USP28: variants seen among roughly 807,000 people sequenced by gnomAD.
The protein encoded by USP28 is ubiquitin specific peptidase 28.
Under a neutral mutation model 145.0 loss-of-function variants are expected in USP28, and 113 were observed. The observed-to-expected ratio is 0.78, with a 90% CI of 0.67 to 0.91. USP28 has a LOEUF of 0.91. Ranked by LOEUF, USP28 falls within the 40% of genes least tolerant of loss-of-function variation. The pLI, the probability that USP28 is intolerant of heterozygous loss-of-function variation, is 0.00. For missense variants in USP28, 1,201 were observed against 1,289.6 expected (o/e 0.93, Z 1.05); for synonymous variants, 447 against 450.9 (o/e 0.99, Z 0.11).
chr11:113,857,107 G>A (rs781105416), intron 1 of USP28, among the ~76,000 whole-genome samples: 4 of 152,114 alleles, frequency 2.6e-5, no homozygotes, highest in Non-Finnish European at 4.4e-5. Context: ...ATGTCTTCAC[G>A]GCAGTCCTGG....
rs552796585 is a variant in USP28, at chr11:113,848,621, T to C, written c.268+3880A>G. Among the ~76,000 whole-genome samples the C allele has an allele frequency of 5.8e-4, 88 of 152,350 alleles. 1 individual carries two copies. The highest frequency in any genetic ancestry group is 2.0e-3 in the African/African-American group (82 of 41,570). On this transcript the variant is annotated intron_variant, in intron 3 of 24. Coordinates refer to ENST00000003302, the Ensembl canonical transcript of USP28. ...TTGATGGAATTAGGATAAAATTTTATAGGCGAGTTGTTATATCTGAAGCTG... is the reference window on the plus strand; with the variant it reads ...TTGATGGAATTAGGATAAAATTTTACAGGCGAGTTGTTATATCTGAAGCTG...
At chr11:113,827,898 G>A (rs1943557527) in intron 10 of USP28, among the ~76,000 whole-genome samples, 1 of 152,070 alleles carries the variant, frequency 6.6e-6, no homozygotes, top group African/African-American at 2.4e-5. Flanking sequence ...ATAGCCTCAT[G>A]GTTTTACAAT....
chr11:113,852,956 G>T (rs1565473210), intron 2 of USP28, among the ~76,000 whole-genome samples: 2 of 151,830 alleles, frequency 1.3e-5, no homozygotes, highest in Non-Finnish European at 2.9e-5. Context: ...TGTCAAAAAA[G>T]GGGGCTGGCA....
chr11:113,875,314 CGGGCGCACCCCCTGTCCCGCCCGGCCG>C (rs1949265814), intron 1 of USP28, 104 bp downstream of exon 1: 21 of 702,194 alleles, frequency 3.0e-5, no homozygotes, highest in Non-Finnish European at 3.7e-5. Context: ...CCCACGCTGG[CGGGCGCACCCCCTGTCCCGCCCGGCCG>C]GGGCGCCCTC....
rs1307066185 is a variant in USP28, at chr11:113,854,256, A to G, written c.135+2T>C. ...CTGACTAACAGAGATCTGGAAACCA[A>G]CCTTCAGAGCTTCATGGAGAAAGGA... On this transcript the variant is annotated splice_donor_variant, in intron 2 of 24. Coordinates refer to ENST00000003302, the Ensembl canonical transcript of USP28. LOFTEE classifies it high-confidence loss of function. The G allele has an allele frequency of 6.2e-7, 1 of 1,611,412 alleles. No individual in the cohort carries two copies. The highest frequency in any genetic ancestry group is 8.5e-7 in the Non-Finnish European group (1 of 1,179,658).
intron 5 of USP28, chr11:113,835,264 C>A (rs1166077663): frequency 2.2e-6 from 1 of 455,986 alleles, no homozygotes; most frequent in Non-Finnish European, 4.4e-6. Flanking sequence ...AACTCCTCAT[C>A]CCAACATGCT....
At position 113,843,581 on chromosome 11, in the gene USP28, G is replaced by A. The variant is rs377181368; in HGVS notation, c.269-1813C>T. ...AGCTACTCAGGAGGCTGAGGCAGGA[G>A]GACGGCTTGAACCCAGGAGGCGGAG... On this transcript the variant is annotated intron_variant, in intron 3 of 24. Transcript: ENST00000003302. Among the ~76,000 whole-genome samples, 6 of 151,280 alleles carry A rather than the reference G, an allele frequency of 4.0e-5. No individual in the cohort carries two copies. The South Asian group carries it at 6.3e-4, about 16-fold the overall frequency.
chr11:113,852,417 T>C, intron 3 of USP28, 84 bp downstream of exon 3: 1 of 1,540,684 alleles, frequency 6.5e-7, no homozygotes. Context: ...AGGGCTGATG[T>C]GATTGACAGG....
At chr11:113,813,777 T>C (rs1941332015) in intron 15 of USP28, 108 bp downstream of exon 15, 2 of 834,334 alleles carry the variant, frequency 2.4e-6, no homozygotes, top group East Asian at 2.5e-5. Flanking sequence ...GTTTATTCTT[T>C]TATCTTAGGG....
At chr11:113,848,454 G>C (rs1228663444) in intron 3 of USP28, among the ~76,000 whole-genome samples, 1 of 152,174 alleles carries the variant, frequency 6.6e-6, no homozygotes, top group Non-Finnish European at 1.5e-5. Flanking sequence ...GGGACCCAAA[G>C]CCTTATGTAC....
intron 3 of USP28, among the ~76,000 whole-genome samples, chr11:113,844,768 G>A (rs1368705098): frequency 6.6e-6 from 1 of 152,140 alleles, no homozygotes; most frequent in Non-Finnish European, 1.5e-5. Context: ...TGGCAAGGAA[G>A]TGGAGAAACT....
At chr11:113,828,035 C>A (rs1943571130) in intron 10 of USP28, among the ~76,000 whole-genome samples, 1 of 152,208 alleles carries the variant, frequency 6.6e-6, no homozygotes, top group Non-Finnish European at 1.5e-5. Context: ...AAAAAAGACT[C>A]AACAGTCAGG....
chr11:113,815,917 C>T (rs954393891), intron 13 of USP28, among the ~76,000 whole-genome samples: 3 of 152,166 alleles, frequency 2.0e-5, no homozygotes, highest in Non-Finnish European at 4.4e-5. Flanking sequence ...CTAGGTGACA[C>T]CTTGGAGAGT....
At chr11:113,875,290 C>A (rs928662872) in intron 1 of USP28, among the ~76,000 whole-genome samples, 155 bp downstream of exon 1, 6 of 151,988 alleles carry the variant, frequency 3.9e-5, no homozygotes, top group African/African-American at 1.4e-4. Flanking sequence ...CCCGCAGAGC[C>A]CTTGGCCTTC....
At chr11:113,824,106 A>G (rs888279259) in intron 11 of USP28, among the ~76,000 whole-genome samples, 1 of 152,236 alleles carries the variant, frequency 6.6e-6, no homozygotes, top group Non-Finnish European at 1.5e-5. Context: ...AATTTAAAAA[A>G]AGAAAAAAAA....
At chr11:113,838,349 G>A (rs767039387) in intron 5 of USP28, among the ~76,000 whole-genome samples, 2 of 152,106 alleles carry the variant, frequency 1.3e-5, no homozygotes, top group Non-Finnish European at 2.9e-5. Flanking sequence ...CTTTTAAACT[G>A]GAAGTATGAT....
chr11:113,855,485 T>G (rs1034300064), intron 1 of USP28, among the ~76,000 whole-genome samples: 1 of 152,222 alleles, frequency 6.6e-6, no homozygotes, highest in African/African-American at 2.4e-5. Context: ...ATTAAGTTAG[T>G]AGTATGTCTC....
intron 11 of USP28, among the ~76,000 whole-genome samples, chr11:113,824,180 A>G: frequency 6.6e-6 from 1 of 152,238 alleles, no homozygotes; most frequent in Middle Eastern, 3.2e-3. Context: ...CAGGAATTAG[A>G]GATAAATTTA....
At chr11:113,817,190 G>A (rs926541288) in intron 13 of USP28, among the ~76,000 whole-genome samples, 3 of 152,236 alleles carry the variant, frequency 2.0e-5, no homozygotes, top group African/African-American at 7.2e-5. Context: ...CTTTACTAGA[G>A]AAGCCCCTCT....
Sources: allele counts gnomAD v4.1 joint callset (sites outside exome capture counted in the v4.1 genomes callset), GRCh38; gene constraint gnomAD v4.1.1; transcripts MANE v1.5; gene names NCBI Gene and HGNC (gene_info 2026-07-23, HGNC 2026-07-21).